The following COL4A4 variants were observed in gnomAD, a reference collection of about 807,000 sequenced individuals.
COL4A4 encodes collagen alpha-4(IV) chain.
In COL4A4, 105 loss-of-function variants were observed where a neutral mutation model predicts 192.9. That is an observed-to-expected ratio of 0.54 (90% CI 0.46 to 0.64). The LOEUF (loss-of-function observed/expected upper bound fraction) is 0.64, where lower values mean the gene tolerates loss of function less well. Among genes scored for constraint, COL4A4 ranks in the 30% least tolerant of loss-of-function variants. The pLI, the probability that COL4A4 is intolerant of heterozygous loss-of-function variation, is 0.00. For missense variants in COL4A4, 1,967 were observed against 2,169.3 expected (o/e 0.91, Z 1.85); for synonymous variants, 762 against 769.9 (o/e 0.99, Z 0.17).
chr2:227,041,774 GGAA>G lies in COL4A4; in HGVS notation c.3505+371_3505+373del, dbSNP rs1559475832. Among the ~76,000 whole-genome samples, 286 of 84,166 alleles carry G rather than the reference GGAA, an allele frequency of 3.4e-3. 17 individuals carry two copies. The highest frequency in any genetic ancestry group is 9.4e-3 in the East Asian group (24 of 2,546). The allele number at this position is 84,166 out of a possible 152,430, so 55.2% of individuals were successfully genotyped here. A position where few individuals can be genotyped will look rare whatever the true frequency, so the allele number is the denominator to read the frequency against. On this transcript the variant is annotated intron_variant, in intron 37 of 47. Transcript: ENST00000396625. ...AGGAAGGAAGGAAGGAAGGAAGGAAGGAAGGAAGGAAGGGAAAGAAAGAAAGAA... is the reference window on the plus strand; with the variant it reads ...AGGAAGGAAGGAAGGAAGGAAGGAAGGGAAGGAAGGGAAAGAAAGAAAGAA...
At chr2:227,007,630 A>G (rs866037801) in intron 47 of COL4A4, 42 bp from the exon 48 acceptor site, 2 of 1,611,580 alleles carry the variant, frequency 1.2e-6, no homozygotes, top group Middle Eastern at 4.5e-4. Context: ...AGACACACAC[A>G]GACAACCCCA....
the COL4A4 span, chr2:226,988,282 TCTCTTCCC>T: frequency 6.6e-7 from 1 of 1,522,978 alleles, no homozygotes; most frequent in Non-Finnish European, 8.8e-7. Flanking sequence ...CCACTGTAAG[TCTCTTCCC>T]CTGTCCTTCC....
chr2:226,987,453 A>G, the COL4A4 span, among the ~76,000 whole-genome samples: 1 of 152,228 alleles, frequency 6.6e-6, no homozygotes, highest in South Asian at 2.1e-4. Flanking sequence ...AAAAGTCATG[A>G]GCAGCTAGCT....
At chr2:227,104,861 G>A (rs532469469) in intron 12 of COL4A4, among the ~76,000 whole-genome samples, 5 of 150,970 alleles carry the variant, frequency 3.3e-5, no homozygotes, top group South Asian at 2.1e-4. Flanking sequence ...GGCTGGTCTC[G>A]AACTCCGGAC....
chr2:227,154,249 A>G (rs997749451), intron 1 of COL4A4, among the ~76,000 whole-genome samples: 7 of 152,292 alleles, frequency 4.6e-5, no homozygotes, highest in African/African-American at 1.7e-4. Flanking sequence ...GGGACTTCTT[A>G]TGAGTCTCTG....
chr2:227,021,811 C>T (rs1308619459), intron 44 of COL4A4, among the ~76,000 whole-genome samples: 1 of 150,908 alleles, frequency 6.6e-6, no homozygotes, highest in Non-Finnish European at 1.5e-5. Flanking sequence ...GGCAACAGAG[C>T]AAGACTCCAT....
In COL4A4 at chr2:227,010,422, G is replaced by C. The variant is rs1478610555; in HGVS notation, c.4413C>G (p.His1471Gln). The stretch of plus-strand genomic sequence containing the variant: ...AGGTGGGCTCCTGGTCCGTCTGACT[G>C]TGGAGAACCAGGAGGAAGCCACCGA... Reference protein sequence around the residue: ...GYLGGFLLVLHSQTDQEPTCP... With the variant: ...GYLGGFLLVLQSQTDQEPTCP... The change falls in exon 46 of 48, where the codon CAC (histidine) becomes CAG (glutamine). Residue 1471 changes from histidine (H) to glutamine (Q), a missense_variant. Physicochemically the swap from His to Gln is conservative, Grantham distance 24. Transcript: ENST00000396625. 10 of 1,613,966 alleles carry C rather than the reference G, an allele frequency of 6.2e-6. No homozygotes were observed. In the Admixed American group the frequency reaches 1.2e-4, roughly 19 times the overall value.
chr2:226,995,170 A>G, the COL4A4 span, among the ~76,000 whole-genome samples: 1 of 152,212 alleles, frequency 6.6e-6, no homozygotes, highest in African/African-American at 2.4e-5. Flanking sequence ...AGCACGATGG[A>G]AGGAAAAATA....
At position 227,102,825 on chromosome 2, in the gene COL4A4, T is replaced by C. The variant is rs781525956; in HGVS notation, c.894A>G (p.Lys298=). The C allele has an allele frequency of 2.5e-6, 4 of 1,613,172 alleles. No homozygotes were observed. In the African/African-American group the frequency reaches 5.3e-5, roughly 22 times the overall value. The change falls in exon 15 of 48, where the codon AAA becomes AAG. Residue 298 remains lysine, a synonymous_variant. Transcript: ENST00000396625. ...GAAATCCAGGAATACCTTTTTCTCC[T>C]TTTGCCCCAATACCAGATTCTCCCT... is the stretch of plus-strand genomic sequence containing the variant. ...GRKGESGIGA[K]GEKGIPGFPG...
chr2:227,057,477 G>A lies in COL4A4; in HGVS notation c.2507C>T (p.Pro836Leu). 6.2e-7 allele frequency: 1 copy of A among 1,611,712 alleles called. No homozygotes were observed. The highest frequency in any genetic ancestry group is 1.3e-5 in the African/African-American group (1 of 75,000). ...HSCERGAPGI[P>L]GQPGLPGYPG... Reference sequence around the variant, plus strand: ...ATACCCAGGGAGTCCCGGTTGCCCTGGTATCCCTGGAGCACCTCTTTCACA... The same window carrying A: ...ATACCCAGGGAGTCCCGGTTGCCCTAGTATCCCTGGAGCACCTCTTTCACA... The change falls in exon 29 of 48, where the codon CCA (proline) becomes CTA (leucine). Residue 836 changes from proline (P) to leucine (L), a missense_variant. Physicochemically the swap from Pro to Leu is moderately conservative, Grantham distance 98. Transcript: ENST00000396625.
At chr2:227,113,354 A>G (rs2061325364) in intron 8 of COL4A4, among the ~76,000 whole-genome samples, 1 of 152,192 alleles carries the variant, frequency 6.6e-6, no homozygotes, top group East Asian at 1.9e-4. Context: ...CCCTTAAGAT[A>G]AGGAATTCTC....
chr2:227,117,289 C>A (rs948429822), intron 7 of COL4A4, among the ~76,000 whole-genome samples: 1 of 152,142 alleles, frequency 6.6e-6, no homozygotes, highest in Non-Finnish European at 1.5e-5. Context: ...ACTGAGAACC[C>A]TTGCTCTCTT....
chr2:227,079,297 G>T (rs552651598), intron 24 of COL4A4, among the ~76,000 whole-genome samples: 1 of 152,174 alleles, frequency 6.6e-6, no homozygotes, highest in African/African-American at 2.4e-5. Flanking sequence ...GTTGAAATTC[G>T]TCTCCTAGTT....
chr2:227,061,787 G>A (rs958150657), intron 26 of COL4A4, among the ~76,000 whole-genome samples: 1 of 152,172 alleles, frequency 6.6e-6, no homozygotes, highest in African/African-American at 2.4e-5. Flanking sequence ...TTCAAATGAA[G>A]CTGTTGCATG....
At chr2:227,068,867 G>A (rs1319705810) in intron 25 of COL4A4, among the ~76,000 whole-genome samples, 2,169 of 124,480 alleles carry the variant, frequency 0.017, no homozygotes, top group Admixed American at 0.021. Flanking sequence ...TTCTGGCCAG[G>A]GCAATTAGGC....
intron 22 of COL4A4, among the ~76,000 whole-genome samples, chr2:227,087,008 G>A (rs187403757): frequency 6.6e-6 from 1 of 152,218 alleles, no homozygotes; most frequent in East Asian, 1.9e-4. Context: ...AGATTTTCTG[G>A]GGAAAATGGA....
At chr2:227,008,379 C>G (rs1962691404) in intron 46 of COL4A4, 75 bp from the exon 47 acceptor site, 5 of 1,520,868 alleles carry the variant, frequency 3.3e-6, no homozygotes, top group Admixed American at 1.8e-5. Flanking sequence ...CTTCCTCCAT[C>G]TGGCCTTTGC....
At chr2:227,047,658 G>A (rs534236129) in intron 34 of COL4A4, 109 bp from the exon 35 acceptor site, 25 of 687,352 alleles carry the variant, frequency 3.6e-5, no homozygotes, top group Admixed American at 3.1e-4. Flanking sequence ...AGATATTTTA[G>A]GAGAGTGTTT....
chr2:227,086,145 C>T (rs1320663025), intron 22 of COL4A4, among the ~76,000 whole-genome samples: 1 of 152,214 alleles, frequency 6.6e-6, no homozygotes, highest in South Asian at 2.1e-4. Flanking sequence ...TCCTAGGGAG[C>T]GCCGTCAGGC....
Sources: gnomAD v4.1 joint callset for allele counts (sites outside exome capture counted in the v4.1 genomes callset) on GRCh38, gnomAD v4.1.1 for gene constraint, MANE v1.5 for transcripts, NCBI Gene and HGNC (gene_info 2026-07-23, HGNC 2026-07-21) for gene names.